The following SRGAP3 variants were observed in gnomAD, a reference collection of about 807,000 sequenced individuals.
The protein encoded by SRGAP3 is SLIT-ROBO Rho GTPase-activating protein 3.
Under a neutral mutation model 121.1 loss-of-function variants are expected in SRGAP3, and 39 were observed. The observed-to-expected ratio is 0.32, with a 90% CI of 0.25 to 0.42. SRGAP3 has a LOEUF of 0.42. Ranked by LOEUF, SRGAP3 falls within the 10% of genes least tolerant of loss-of-function variation. The pLI is 1.00. For missense variants in SRGAP3, 1,213 were observed against 1,470.6 expected, an observed-to-expected ratio of 0.82 and a Z score of 2.86; for synonymous variants, 601 against 570.0, an observed-to-expected ratio of 1.05 and a Z score of -0.77.
At chr3:9,196,695 A>G (rs1951928574) in intron 1 of SRGAP3, among the ~76,000 whole-genome samples, 1 of 152,252 alleles carries the variant, frequency 6.6e-6, no homozygotes, top group South Asian at 2.1e-4. Context: ...TAGATGGATC[A>G]GTTTCAAGAA....
At chr3:9,286,666 G>A (rs1157004772) in intron 3 of SRGAP3, among the ~76,000 whole-genome samples, 2 of 151,264 alleles carry the variant, frequency 1.3e-5, no homozygotes, top group African/African-American at 2.4e-5. Context: ...GCAGTGGCGC[G>A]ATCTCGGCTC....
intron 1 of SRGAP3, among the ~76,000 whole-genome samples, chr3:9,141,466 C>A (rs1373878570): frequency 6.6e-6 from 1 of 151,784 alleles, no homozygotes; most frequent in Admixed American, 6.6e-5. Flanking sequence ...AAGTTATTAC[C>A]CATGACCTCA....
At chr3:9,129,034 A>C (rs1200888214) in intron 1 of SRGAP3, among the ~76,000 whole-genome samples, 1 of 152,222 alleles carries the variant, frequency 6.6e-6, no homozygotes, top group Admixed American at 6.5e-5. Context: ...CTACTACATC[A>C]AAGTGAGGCT....
In SRGAP3 at chr3:9,042,541, C is replaced by T. The variant is rs139771500; in HGVS notation, c.1409-4451G>A. Among the ~76,000 whole-genome samples, 557 of 152,118 alleles carry T rather than the reference C, an allele frequency of 3.7e-3. 3 individuals are homozygous for T. The highest frequency in any genetic ancestry group is 6.4e-3 in the Non-Finnish European group (433 of 68,014). On this transcript the variant is annotated intron_variant, in intron 10 of 21. Transcript: ENST00000383836. ...ACTTGGGGCAAATCAACAGGCAACT[C>T]CTTAATTCCTGAGCAAAGCCACAAG...
intron 1 of SRGAP3, among the ~76,000 whole-genome samples, chr3:9,234,230 C>T (rs942289855): frequency 6.6e-6 from 1 of 152,078 alleles, no homozygotes; most frequent in African/African-American, 2.4e-5. Flanking sequence ...ACGTCAGAAG[C>T]CAGAGAGTGA....
intron 12 of SRGAP3, among the ~76,000 whole-genome samples, chr3:9,027,361 A>T (rs1944266144): frequency 6.6e-6 from 1 of 151,888 alleles, no homozygotes; most frequent in Admixed American, 6.6e-5. Context: ...TTTTGTCCCA[A>T]CTCAACACTA....
intron 3 of SRGAP3, among the ~76,000 whole-genome samples, chr3:9,286,401 C>T (rs1459296004): frequency 1.3e-5 from 2 of 151,906 alleles, no homozygotes; most frequent in African/African-American, 4.8e-5. Flanking sequence ...TGGCTCACAC[C>T]TATAATCCCT....
intron 3 of SRGAP3, among the ~76,000 whole-genome samples, chr3:9,270,214 T>C (rs1241007795): frequency 6.6e-6 from 1 of 152,220 alleles, no homozygotes; most frequent in Non-Finnish European, 1.5e-5. Context: ...TTAATCTGTA[T>C]TGTGTAATAT....
At chr3:9,190,467 T>G (rs1951716259) in intron 1 of SRGAP3, among the ~76,000 whole-genome samples, 2 of 152,198 alleles carry the variant, frequency 1.3e-5, no homozygotes, top group African/African-American at 2.4e-5. Context: ...GCTCAAAAGA[T>G]TCCCTGAAAC....
intron 1 of SRGAP3, among the ~76,000 whole-genome samples, chr3:9,172,069 C>T (rs1397866429): frequency 6.6e-6 from 1 of 150,858 alleles, no homozygotes; most frequent in Non-Finnish European, 1.5e-5. Context: ...TGGATTAGGG[C>T]CTTTCCAAAT....
At chr3:9,167,826 G>A (rs1950843993) in intron 1 of SRGAP3, among the ~76,000 whole-genome samples, 1 of 152,134 alleles carries the variant, frequency 6.6e-6, no homozygotes, top group Admixed American at 6.6e-5. Flanking sequence ...TCAGTCCTCA[G>A]CATGCCTCGC....
intron 16 of SRGAP3, 52 bp downstream of exon 16, chr3:9,013,685 C>T: frequency 6.3e-7 from 1 of 1,599,646 alleles, no homozygotes; most frequent in Non-Finnish European, 8.6e-7. Context: ...ATACCCCCTC[C>T]CAAAAGAGGC....
intron 1 of SRGAP3, among the ~76,000 whole-genome samples, chr3:9,245,431 G>A (rs1953783549): frequency 6.6e-6 from 1 of 152,316 alleles, no homozygotes; most frequent in East Asian, 1.9e-4. Flanking sequence ...AGAGACAGAG[G>A]AGAGTGGAGA....
At chr3:9,031,857 C>T (rs1453460242) in intron 12 of SRGAP3, among the ~76,000 whole-genome samples, 2 of 152,188 alleles carry the variant, frequency 1.3e-5, no homozygotes, top group African/African-American at 4.8e-5. Context: ...GACTTCCCTG[C>T]TTCCTCTAAG....
intron 10 of SRGAP3, among the ~76,000 whole-genome samples, chr3:9,042,532 CA>C (rs1354031580): frequency 2.0e-5 from 3 of 151,720 alleles, no homozygotes; most frequent in Non-Finnish European, 4.4e-5. Flanking sequence ...GGCAAATCAA[CA>C]GGCAACTCCT....
chr3:9,334,197 A>G (rs1229305471), intron 1 of SRGAP3, among the ~76,000 whole-genome samples: 1 of 152,168 alleles, frequency 6.6e-6, no homozygotes, highest in Non-Finnish European at 1.5e-5. Context: ...TTATTTCAAA[A>G]TAAAGTTTTT....
chr3:9,111,147 C>CT (rs2124934094), intron 2 of SRGAP3, among the ~76,000 whole-genome samples: 1 of 152,384 alleles, frequency 6.6e-6, no homozygotes, highest in South Asian at 2.1e-4. Flanking sequence ...CAGTTCCTGC[C>CT]TTCATGGAGC....
intron 3 of SRGAP3, among the ~76,000 whole-genome samples, chr3:9,097,633 C>T (rs752012303): frequency 2.6e-5 from 4 of 152,344 alleles, no homozygotes; most frequent in East Asian, 1.9e-4. Flanking sequence ...GACGCTGTGA[C>T]GCACCACTCA....
intron 20 of SRGAP3, 108 bp from the exon 21 acceptor site, chr3:8,990,947 C>T (rs553315110): frequency 2.2e-5 from 22 of 1,007,804 alleles, no homozygotes; most frequent in South Asian, 1.9e-4. Context: ...GTCTAAGGAG[C>T]GGGTACAGTA....
Sources: gnomAD v4.1 joint callset for allele counts (sites outside exome capture counted in the v4.1 genomes callset) on GRCh38, gnomAD v4.1.1 for gene constraint, MANE v1.5 for transcripts, NCBI Gene and HGNC (gene_info 2026-07-23, HGNC 2026-07-21) for gene names.